ZNF529: variants seen among roughly 807,000 people sequenced by gnomAD.
The protein encoded by ZNF529 is zinc finger protein 529.
ZNF529 carries 11 observed loss-of-function variants against 10.1 expected under a neutral mutation model. That is an observed-to-expected ratio of 1.09 (90% CI 0.69 to 1.81). The LOEUF (loss-of-function observed/expected upper bound fraction) is 1.81. ZNF529 is among the 40% of genes most tolerant of loss of function. The pLI is 0.00. For synonymous variants in ZNF529, 204 were observed against 215.7 expected (o/e 0.95, Z 0.47); for missense variants, 624 against 666.8 (o/e 0.94, Z 0.71).
chr19:36,578,291 CTTTTTTTTTTTTTTT>C (rs1159725232), upstream of ZNF529, among the ~76,000 whole-genome samples: 139 of 31,822 alleles, frequency 4.4e-3, 2 homozygotes, highest in Non-Finnish European at 6.0e-3. Context: ...GTCTTGATCT[CTTTTTTTTTTTTTTT>C]TTTTTTTTTT....
chr19:36,548,516 GT>G (rs2035140139), intron 4 of ZNF529, among the ~76,000 whole-genome samples, 194 bp from the exon 5 acceptor site: 1 of 152,202 alleles, frequency 6.6e-6, no homozygotes, highest in South Asian at 2.1e-4. Context: ...GATTAAGTCA[GT>G]GGATCTGAAA....
At chr19:36,579,128 T>G (rs3108599) in intron 2 of ZNF529, among the ~76,000 whole-genome samples, 53,923 of 151,100 alleles carry the variant, frequency 0.36, 10,369 homozygotes, top group African/African-American at 0.52. Flanking sequence ...TTGAACCCGG[T>G]AGGTGGAGGT....
At chr19:36,554,196 T>C (rs2035368236) in intron 4 of ZNF529, among the ~76,000 whole-genome samples, 1 of 152,198 alleles carries the variant, frequency 6.6e-6, no homozygotes, top group Non-Finnish European at 1.5e-5. Context: ...AAGAATATCA[T>C]GAAGAATGTT....
intron 2 of ZNF529, among the ~76,000 whole-genome samples, chr19:36,583,157 A>G (rs1454863754): frequency 6.6e-6 from 1 of 152,094 alleles, no homozygotes; most frequent in Admixed American, 6.6e-5. Flanking sequence ...TACCAGTATC[A>G]AGTGATTCTT....
At chr19:36,553,337 G>A (rs988475946) in intron 4 of ZNF529, among the ~76,000 whole-genome samples, 22 of 151,862 alleles carry the variant, frequency 1.4e-4, no homozygotes, top group East Asian at 1.9e-4. Context: ...GGGTTTCACC[G>A]TGTTGCCCAG....
intron 1 of ZNF529, among the ~76,000 whole-genome samples, chr19:36,595,307 C>G (rs1456252482): frequency 6.6e-6 from 1 of 152,210 alleles, no homozygotes; most frequent in Non-Finnish European, 1.5e-5. Flanking sequence ...ACAAAGAACT[C>G]TCTTGAGAAG....
intron 2 of ZNF529, among the ~76,000 whole-genome samples, chr19:36,557,267 T>G (rs1209615570): frequency 1.3e-5 from 2 of 152,164 alleles, no homozygotes; most frequent in African/African-American, 4.8e-5. Context: ...ACATCAGAGA[T>G]TTTACAACAT....
chr19:36,567,508 G>A (rs937876275), intron 2 of ZNF529, among the ~76,000 whole-genome samples: 5 of 151,598 alleles, frequency 3.3e-5, no homozygotes, highest in African/African-American at 7.3e-5. Flanking sequence ...GCGCCATCTC[G>A]GCTCACTGCA....
intron 2 of ZNF529, among the ~76,000 whole-genome samples, chr19:36,560,197 C>T (rs1404088321): frequency 1.5e-5 from 2 of 137,558 alleles, no homozygotes; most frequent in African/African-American, 2.7e-5. Context: ...GCAGAGGTTG[C>T]GGTGAGCCGA....
chr19:36,579,025 C>G (rs1023338385), intron 2 of ZNF529, among the ~76,000 whole-genome samples: 1 of 151,928 alleles, frequency 6.6e-6, no homozygotes, highest in Non-Finnish European at 1.5e-5. Flanking sequence ...GCCTGGCCAA[C>G]ATGGTGAAAA....
intron 2 of ZNF529, among the ~76,000 whole-genome samples, chr19:36,557,543 A>G (rs1305156728): frequency 6.6e-6 from 1 of 152,174 alleles, no homozygotes; most frequent in Non-Finnish European, 1.5e-5. Context: ...TTACAAGAAC[A>G]GTATGGGGGA....
chr19:36,599,547 T>G (rs1477958702), intron 1 of ZNF529, among the ~76,000 whole-genome samples: 1 of 152,196 alleles, frequency 6.6e-6, no homozygotes, highest in Non-Finnish European at 1.5e-5. Context: ...AAGAACATAT[T>G]AACATATCTA....
At position 36,548,460 on chromosome 19, in the gene ZNF529, G is replaced by T. The variant is rs1296176821; in HGVS notation, c.236-138C>A. The T allele has an allele frequency of 3.7e-6, 3 of 817,758 alleles. No homozygotes were observed. In the African/African-American group the frequency reaches 5.2e-5, roughly 14 times the overall value. The allele number at this position is 817,758 out of a possible 1,614,324, so 50.7% of individuals were successfully genotyped here. On this transcript the variant is annotated intron_variant, in intron 4 of 4. Coordinates refer to ENST00000591340, the MANE Select transcript of ZNF529 (RefSeq NM_020951.5). ...ATGAAAGATAAAGAGAGCTCACAGA[G>T]TAACAGCAGAACATAAAGATTATGA... is the stretch of plus-strand genomic sequence containing the variant.
chr19:36,554,713 G>GT lies in ZNF529; in HGVS notation c.191dup (p.Tyr64Ter). ...TGTAGTTCTCCATCATCACATCCCA[G>GT]TACAAGTTCCTCTGAGCAGAATCCA... ...EYLDSAQRNL[Y>*]WDVMMENYSN... The change falls in exon 4 of 5, where the codon TAC becomes TAAC. Residue 64 changes from tyrosine to a stop codon, truncating the protein, a stop_gained and frameshift_variant. Coordinates refer to ENST00000591340, the MANE Select transcript of ZNF529 (RefSeq NM_020951.5). LOFTEE classifies it low-confidence loss of function (END_TRUNC). 6.3e-7 allele frequency: 1 copy of GT among 1,576,428 alleles called. No individual in the cohort carries two copies. The highest frequency in any genetic ancestry group is 8.6e-7 in the Non-Finnish European group (1 of 1,159,982).
At chr19:36,584,720 T>C (rs1316980541) in intron 2 of ZNF529, among the ~76,000 whole-genome samples, 2 of 150,988 alleles carry the variant, frequency 1.3e-5, no homozygotes, top group Non-Finnish European at 2.9e-5. Flanking sequence ...TGAACCGAGA[T>C]TGCCCCACTG....
intron 1 of ZNF529, chr19:36,593,874 G>A (rs867302891): frequency 6.6e-6 from 1 of 152,162 alleles, no homozygotes; most frequent in African/African-American, 2.4e-5. Context: ...GGCAAGAGCT[G>A]GGGAAGGAAA....
At chr19:36,566,943 G>T (rs2068208070) in intron 2 of ZNF529, among the ~76,000 whole-genome samples, 1 of 151,638 alleles carries the variant, frequency 6.6e-6, no homozygotes, top group African/African-American at 2.4e-5. Context: ...GCGCTGGAAG[G>T]AGGCAGAGGT....
At position 36,546,592 on chromosome 19, in the gene ZNF529, T is replaced by A. The variant is rs2035030580; in HGVS notation, c.*274A>T. 1 of 333,622 alleles carries A rather than the reference T, an allele frequency of 3.0e-6. No homozygotes were observed. The highest frequency in any genetic ancestry group is 5.1e-5 in the East Asian group (1 of 19,584). 20.7% of individuals were successfully genotyped at this position (333,622 alleles called of 1,614,324 possible). A position where few individuals can be genotyped will look rare whatever the true frequency, so the allele number is the denominator to read the frequency against. On this transcript the variant is annotated 3_prime_UTR_variant, in exon 5 of 5. Transcript: ENST00000591340. ...AGTCAAAAGAGCAATAATACAAACA[T>A]CAAAAGCTATTGTAAACAAAACATG...
intron 1 of ZNF529, among the ~76,000 whole-genome samples, chr19:36,596,373 T>A (rs1405356356): frequency 6.6e-6 from 1 of 151,854 alleles, no homozygotes; most frequent in Non-Finnish European, 1.5e-5. Flanking sequence ...CACCCAGCCT[T>A]GGGTATAAAC....
Sources: gnomAD v4.1 joint callset for allele counts (sites outside exome capture counted in the v4.1 genomes callset) on GRCh38, gnomAD v4.1.1 for gene constraint, MANE v1.5 for transcripts, NCBI Gene and HGNC (gene_info 2026-07-23, HGNC 2026-07-21) for gene names.